The following RC3H1 variants were observed in gnomAD, a reference collection of about 807,000 sequenced individuals.
The protein encoded by RC3H1 is ring finger and CCCH-type domains 1, also known as roquin-1.
In RC3H1, 50 loss-of-function variants were observed where a neutral mutation model predicts 138.2. That is an observed-to-expected ratio of 0.36 (90% confidence interval 0.29 to 0.46). The LOEUF is 0.46. RC3H1 is among the 20% of genes least tolerant of loss of function. The pLI is 1.00. For missense variants in RC3H1, 1,031 were observed against 1,388.1 expected (o/e 0.74, Z 4.09); for synonymous variants, 462 against 489.1 (o/e 0.94, Z 0.73).
At chr1:173,942,628 C>T (rs578186392) in intron 18 of RC3H1, among the ~76,000 whole-genome samples, 2 of 151,412 alleles carry the variant, frequency 1.3e-5, no homozygotes, top group Admixed American at 6.6e-5. Context: ...GTCAGGAGAT[C>T]GAGACCATCC....
Position 173,952,156 on chromosome 1 carries a change from A to G in RC3H1, c.2371-18T>C. 6.7e-7 allele frequency: 1 copy of G among 1,490,676 alleles called. No homozygotes were observed. Among genetic ancestry groups the G allele is most frequent in the Non-Finnish European group, 8.9e-7 (1 of 1,121,798 alleles). 92.3% of individuals were successfully genotyped at this position (1,490,676 alleles called of 1,614,324 possible). A position where few individuals can be genotyped will look rare whatever the true frequency, so the allele number is the denominator to read the frequency against. ...TCCAAAAACTACAGATGGAGAAAGA[A>G]AAAAAACAAAAAAAAAAAAAAGAGA... On this transcript the variant is annotated intron_variant, in intron 13 of 19. Transcript: ENST00000367696.
chr1:173,970,615 A>C lies in RC3H1; in HGVS notation c.1224T>G (p.Pro408=), dbSNP rs1660315153. 2.5e-6 allele frequency: 4 copies of C among 1,607,446 alleles called. No individual in the cohort carries two copies. The highest frequency in any genetic ancestry group is 3.4e-6 in the Non-Finnish European group (4 of 1,175,738). Residue 408 remains proline, a splice_region_variant and synonymous_variant, in exon 9 of 20, where the codon CCT becomes CCG. Transcript: ENST00000367696. ...HSKKGADQQQ[P]PQHSKYKTYM... ...ATGTTTTGTATTTGCTATGCTGTGG[A>C]GGCTAAAACCAAAATCAAAACATTA...
intron 9 of RC3H1, among the ~76,000 whole-genome samples, chr1:173,965,355 G>C (rs1660067030): frequency 6.6e-6 from 1 of 152,146 alleles, no homozygotes; most frequent in African/African-American, 2.4e-5. Context: ...AGCACTTTGG[G>C]AGGCCGAGGC....
In RC3H1 at chr1:173,935,416, C is replaced by T. The variant is rs796190497; in HGVS notation, c.*3305G>A. The T allele has an allele frequency of 6.6e-6, 1 of 152,020 alleles. No individual in the cohort carries two copies. The highest frequency in any genetic ancestry group is 6.5e-5 in the Admixed American group (1 of 15,278). 9.4% of individuals were successfully genotyped at this position (152,020 alleles called of 1,614,324 possible). On this transcript the variant is annotated 3_prime_UTR_variant, in exon 20 of 20. Coordinates refer to ENST00000367696, the MANE Select transcript of RC3H1 (RefSeq NM_172071.4). Reference sequence around the variant, plus strand: ...TGAGTGAACACAATGCTTATTACTCCTACCTTAACCCATTCAAAATTGTTC... The same window carrying T: ...TGAGTGAACACAATGCTTATTACTCTTACCTTAACCCATTCAAAATTGTTC...
intron 6 of RC3H1, among the ~76,000 whole-genome samples, chr1:173,979,728 C>T (rs1393003657): frequency 6.6e-6 from 1 of 152,192 alleles, no homozygotes; most frequent in Non-Finnish European, 1.5e-5. Flanking sequence ...TAGATCATTA[C>T]TAAGCGTTAA....
At chr1:174,017,777 C>A (rs1661885445) in intron 1 of RC3H1, among the ~76,000 whole-genome samples, 1 of 61,012 alleles carries the variant, frequency 1.6e-5, no homozygotes, top group Non-Finnish European at 2.6e-5. Flanking sequence ...GAACTCTTTT[C>A]TTGCTCAAAA....
At chr1:173,952,949 C>G (rs1212151631) in intron 13 of RC3H1, among the ~76,000 whole-genome samples, 1 of 151,098 alleles carries the variant, frequency 6.6e-6, no homozygotes, top group Non-Finnish European at 1.5e-5. Context: ...ATGTTTCTTT[C>G]ATTTTATCAC....
Position 173,981,001 on chromosome 1 carries a change from T to C in RC3H1, c.777A>G (p.Lys259=), listed in dbSNP as rs1660789508. 1.9e-6 allele frequency: 3 copies of C among 1,613,650 alleles called. No homozygotes were observed. The South Asian group carries it at 3.3e-5, about 18-fold the overall frequency. ...GCATCAAAGAAGAGTCTTCATCACG[T>C]TTGGTGACCTAATAAGACACAAATA... ...LYRASCFKVT[K]RDEDSSLMQL... is the part of the protein sequence containing the mutation. Residue 259 remains lysine, a synonymous_variant, in exon 6 of 20, where the codon AAA becomes AAG. Transcript: ENST00000367696.
At chr1:173,972,421 T>C in intron 8 of RC3H1, 88 bp downstream of exon 8, 1 of 801,830 alleles carries the variant, frequency 1.2e-6, no homozygotes. Flanking sequence ...TTTGGCTTTG[T>C]ATCTGTAGGT....
intron 1 of RC3H1, among the ~76,000 whole-genome samples, chr1:174,020,547 C>A (rs1417399157): frequency 6.6e-6 from 1 of 152,132 alleles, no homozygotes; most frequent in South Asian, 2.1e-4. Flanking sequence ...AAGAACACAA[C>A]CTATAACCCT....
chr1:174,018,654 C>T (rs1048746871), intron 1 of RC3H1, among the ~76,000 whole-genome samples: 1 of 152,168 alleles, frequency 6.6e-6, no homozygotes, highest in Non-Finnish European at 1.5e-5. Context: ...TGGGAAAAGG[C>T]TGACCAAAAT....
chr1:174,010,365 T>G lies in RC3H1; in HGVS notation c.-151+11731A>C, dbSNP rs1026732090. Among the ~76,000 whole-genome samples the G allele has an allele frequency of 7.2e-5, 11 of 152,216 alleles. 1 individual carries two copies. The East Asian group carries it at 2.1e-3, about 29-fold the overall frequency. On this transcript the variant is annotated intron_variant, in intron 1 of 19. Transcript: ENST00000367696. ...ATAGTCCTGAATGAAATAAAGTCCT[T>G]GCTCTCATACAGAATACAGTCTTAT...
chr1:173,961,593 G>T, intron 12 of RC3H1, 132 bp downstream of exon 12: 2 of 923,016 alleles, frequency 2.2e-6, no homozygotes, highest in Non-Finnish European at 1.6e-6. Context: ...ATTATGAAAA[G>T]ATTTAAAAAA....
chr1:173,978,698 T>G (rs1171346597), intron 6 of RC3H1, 78 bp from the exon 7 acceptor site: 1 of 1,422,246 alleles, frequency 7.0e-7, no homozygotes, highest in Non-Finnish European at 9.4e-7. Context: ...TCACAATCAT[T>G]TTTGCGATTT....
rs1457825501 is a variant in RC3H1, at chr1:173,933,721, G to A, written c.*5000C>T. ...AAATATAAAAATCATAGCTGTCCAA[G>A]GTAGAAAGGTATGAATGTGGATCAG... On this transcript the variant is annotated 3_prime_UTR_variant, in exon 20 of 20. Coordinates refer to ENST00000367696, the MANE Select transcript of RC3H1 (RefSeq NM_172071.4). 3 of 152,154 alleles carry A rather than the reference G, an allele frequency of 2.0e-5. No homozygotes were observed. Among genetic ancestry groups the A allele is most frequent in the Admixed American group, 2.0e-4 (3 of 15,272 alleles). The allele number at this position is 152,154 out of a possible 1,614,324, so 9.4% of individuals were successfully genotyped here.
At chr1:174,016,422 CT>C (rs1189625122) in intron 1 of RC3H1, among the ~76,000 whole-genome samples, 11,652 of 118,166 alleles carry the variant, frequency 0.099, 297 homozygotes, top group East Asian at 0.27. Context: ...TTTAAGTTTC[CT>C]TTTTTTTTTT....
chr1:173,968,130 A>G (rs1193095575), intron 9 of RC3H1, among the ~76,000 whole-genome samples: 1 of 152,174 alleles, frequency 6.6e-6, no homozygotes, highest in Non-Finnish European at 1.5e-5. Flanking sequence ...GCATTTCATT[A>G]ATCTATCTAT....
intron 3 of RC3H1, 37 bp downstream of exon 3, chr1:173,984,462 G>GT: frequency 6.2e-7 from 1 of 1,601,446 alleles, no homozygotes; most frequent in East Asian, 2.2e-5. Context: ...TAAAAAAGCA[G>GT]TTTTACTCTT....
intron 2 of RC3H1, among the ~76,000 whole-genome samples, chr1:173,989,720 T>G (rs1235301352): frequency 1.0e-3 from 139 of 136,798 alleles, no homozygotes; most frequent in African/African-American, 3.6e-3. Context: ...GTTTTTTTTT[T>G]TTTTTTTTTT....
Sources: gnomAD v4.1 joint callset for allele counts (sites outside exome capture counted in the v4.1 genomes callset) on GRCh38, gnomAD v4.1.1 for gene constraint, MANE v1.5 for transcripts, NCBI Gene and HGNC (gene_info 2026-07-23, HGNC 2026-07-21) for gene names.